TMEM183A: variants seen among roughly 807,000 people sequenced by gnomAD.
The protein encoded by TMEM183A is transmembrane protein 183A, also known as chromosome 1 open reading frame 37.
Under a neutral mutation model 46.7 loss-of-function variants are expected in TMEM183A, and 21 were observed. The observed-to-expected ratio is 0.45, with a 90% CI of 0.32 to 0.65. The LOEUF (loss-of-function observed/expected upper bound fraction) is 0.65, where lower values mean the gene tolerates loss of function less well. Among genes scored for constraint, TMEM183A ranks in the 30% least tolerant of loss-of-function variants. The pLI is 0.04. For missense variants in TMEM183A, 331 were observed against 481.9 expected, an observed-to-expected ratio of 0.69 and a Z score of 2.93; for synonymous variants, 165 against 180.2, an observed-to-expected ratio of 0.92 and a Z score of 0.68.
intron 7 of TMEM183A, among the ~76,000 whole-genome samples, chr1:203,021,958 A>G (rs989073771): frequency 2.0e-5 from 3 of 152,238 alleles, no homozygotes; most frequent in Non-Finnish European, 4.4e-5. Context: ...ACTATCCTGT[A>G]ACTGCAATTA....
At chr1:203,014,159 C>T (rs371199580) in intron 3 of TMEM183A, among the ~76,000 whole-genome samples, 2 of 152,164 alleles carry the variant, frequency 1.3e-5, no homozygotes, top group Admixed American at 6.5e-5. Flanking sequence ...AGCTGGAATT[C>T]GGAGTCGGAA....
chr1:203,023,535 A>G lies in TMEM183A; in HGVS notation c.*495A>G, dbSNP rs1178894504. On this transcript the variant is annotated 3_prime_UTR_variant, in exon 8 of 8. Transcript: ENST00000367242. ...TAAAGCAGGTGACAGGGTTTTCAGA[A>G]TCTTACCATATTGACTTGTGTATCT... 6.5e-6 allele frequency: 1 copy of G among 153,084 alleles called. No individual in the cohort carries two copies. The highest frequency in any genetic ancestry group is 1.5e-5 in the Non-Finnish European group (1 of 68,382). 9.5% of individuals were successfully genotyped at this position (153,084 alleles called of 1,614,324 possible).
At chr1:203,010,252 G>C (rs1426389837) in intron 3 of TMEM183A, among the ~76,000 whole-genome samples, 1 of 152,158 alleles carries the variant, frequency 6.6e-6, no homozygotes, top group Non-Finnish European at 1.5e-5. Flanking sequence ...ATTTGTTAAA[G>C]TATATTGAAG....
chr1:203,012,408 T>C (rs1024517957), intron 3 of TMEM183A, among the ~76,000 whole-genome samples: 1 of 152,222 alleles, frequency 6.6e-6, no homozygotes, highest in African/African-American at 2.4e-5. Context: ...AAAATCTTGT[T>C]AGACTTTTCT....
intron 5 of TMEM183A, 100 bp from the exon 6 acceptor site, chr1:203,018,381 T>G (rs1657363690): frequency 7.3e-7 from 1 of 1,372,666 alleles, no homozygotes; most frequent in South Asian, 1.4e-5. Flanking sequence ...GCTTTAGAGC[T>G]GTCAAACAGA....
At chr1:203,014,235 A>G (rs570287409) in intron 3 of TMEM183A, among the ~76,000 whole-genome samples, 3 of 152,230 alleles carry the variant, frequency 2.0e-5, no homozygotes, top group Non-Finnish European at 4.4e-5. Context: ...AAATGGGCGC[A>G]ATAATATTTT....
At chr1:203,022,585 C>A (rs1657799233) in intron 7 of TMEM183A, among the ~76,000 whole-genome samples, 1 of 151,850 alleles carries the variant, frequency 6.6e-6, no homozygotes. Context: ...CGCCTATATT[C>A]CTAGCTACTT....
At chr1:203,010,291 T>G (rs1656436291) in intron 3 of TMEM183A, among the ~76,000 whole-genome samples, 1 of 152,210 alleles carries the variant, frequency 6.6e-6, no homozygotes, top group African/African-American at 2.4e-5. Context: ...AATGGTATGA[T>G]TGCTTTGGAA....
chr1:203,007,914 G>GT (rs1464866498), intron 2 of TMEM183A, 51 bp downstream of exon 2: 1 of 1,597,778 alleles, frequency 6.3e-7, no homozygotes, highest in South Asian at 1.1e-5. Context: ...ACAGAACTAG[G>GT]TATTTTATTT....
rs548937979 is a variant in TMEM183A, at chr1:203,013,429, G to A, written c.368-1460G>A. Among the ~76,000 whole-genome samples, 2 of 152,170 alleles carry A rather than the reference G, an allele frequency of 1.3e-5. No individual in the cohort carries two copies. The highest frequency in any genetic ancestry group is 4.8e-5 in the African/African-American group (2 of 41,432). ...GTATTACCTGAACCTGAGAAGTATA[G>A]TGGACATCAAGGTCAAGAGAATTAA... On this transcript the variant is annotated intron_variant, in intron 3 of 7. Transcript: ENST00000367242. This position sits in a 1 kb window ranked among gnomAD's most constrained non-coding sequence, Gnocchi z 4.0.
At chr1:203,015,201 A>G (rs1049019665) in intron 4 of TMEM183A, 153 bp downstream of exon 4, 11 of 1,090,650 alleles carry the variant, frequency 1.0e-5, no homozygotes, top group Non-Finnish European at 1.4e-5. Context: ...CCCCTCTCTA[A>G]TTTAAATTTG....
chr1:203,021,055 G>T (rs542584188), intron 7 of TMEM183A, 107 bp downstream of exon 7: 2 of 1,171,276 alleles, frequency 1.7e-6, no homozygotes, highest in African/African-American at 1.9e-5. Context: ...TTTAAGAGAC[G>T]TGGTCTCACT....
At chr1:203,014,454 T>G (rs557868475) in intron 3 of TMEM183A, among the ~76,000 whole-genome samples, 1 of 152,170 alleles carries the variant, frequency 6.6e-6, no homozygotes, top group African/African-American at 2.4e-5. Context: ...AATACAAAAA[T>G]TTGCTGGGTG....
chr1:203,022,921 G>A lies in TMEM183A; in HGVS notation c.1012G>A (p.Val338Ile). The A allele has an allele frequency of 6.2e-7, 1 of 1,613,248 alleles. No homozygotes were observed. The highest frequency in any genetic ancestry group is 1.1e-5 in the South Asian group (1 of 91,020). Residue 338 changes from valine (V) to isoleucine (I), a missense_variant, in exon 8 of 8, where the codon GTC becomes ATC. Transcript: ENST00000367242. ...GAGACTGGTGTTCCAAGATTCCCCT[G>A]TCCATGGTGGTCGGAAACTGCGCAG... ...RVRLVFQDSPVHGGRKLRSEQ... is the reference protein window; with the variant it reads ...RVRLVFQDSPIHGGRKLRSEQ...
At chr1:203,018,452 T>C (rs372383436) in intron 5 of TMEM183A, 29 bp from the exon 6 acceptor site, 6 of 1,578,834 alleles carry the variant, frequency 3.8e-6, no homozygotes, top group Non-Finnish European at 5.1e-6. Flanking sequence ...TTCTTTTTCT[T>C]GGTTTATTTT....
In TMEM183A at chr1:203,023,839, A is replaced by G. The variant is rs1657941867; in HGVS notation, c.*799A>G. The G allele has an allele frequency of 6.6e-6, 1 of 152,198 alleles. No homozygotes were observed. The allele number at this position is 152,198 out of a possible 1,614,324, so 9.4% of individuals were successfully genotyped here. A position where few individuals can be genotyped will look rare whatever the true frequency, so the allele number is the denominator to read the frequency against. On this transcript the variant is annotated 3_prime_UTR_variant, in exon 8 of 8. Coordinates refer to ENST00000367242, the MANE Select transcript of TMEM183A (RefSeq NM_138391.6). The stretch of plus-strand genomic sequence containing the variant: ...ACCCAGGTCTTTTTGTTGTACCATA[A>G]GTTTAAAAGATGAGTCTCATTTTTC...
chr1:203,007,975 CGTTAGTGT>C (rs940424264), intron 2 of TMEM183A, 112 bp downstream of exon 2: 65 of 1,354,384 alleles, frequency 4.8e-5, no homozygotes, highest in Non-Finnish European at 6.1e-5. Flanking sequence ...TGTTTGCTTT[CGTTAGTGT>C]TAACTTACAT....
chr1:203,007,793 C>T lies in TMEM183A; in HGVS notation c.129C>T (p.Ala43=). The change falls in exon 2 of 8, where the codon GCC becomes GCT. Residue 43 remains alanine (A), a synonymous_variant. Coordinates refer to ENST00000367242, the MANE Select transcript of TMEM183A (RefSeq NM_138391.6). ...CSGRVTVADY[A]NSDPAVVRSG... is the part of the protein sequence containing the mutation. ...TTGCAGTGACCGTGGCGGATTACGC[C>T]AACTCGGATCCGGCGGTCGTGAGGT... 3 of 1,613,946 alleles carry T rather than the reference C, an allele frequency of 1.9e-6. No individual in the cohort carries two copies. The Admixed American group carries it at 5.0e-5, about 27-fold the overall frequency.
chr1:203,014,044 C>G (rs1050426838), intron 3 of TMEM183A, among the ~76,000 whole-genome samples: 1 of 152,130 alleles, frequency 6.6e-6, no homozygotes, highest in Non-Finnish European at 1.5e-5. Flanking sequence ...TGAGCCACTA[C>G]GCCCGGCCTG....
Sources: gnomAD v4.1 joint callset for allele counts (sites outside exome capture counted in the v4.1 genomes callset) on GRCh38, gnomAD v4.1.1 for gene constraint, Gnocchi (gnomAD v3.1) non-coding constraint, MANE v1.5 for transcripts, NCBI Gene and HGNC (gene_info 2026-07-23, HGNC 2026-07-21) for gene names.